Variants in NRXN3 observed in about 807,000 individuals in gnomAD.
NRXN3 encodes the protein neurexin III.
Under a neutral mutation model 137.6 loss-of-function variants are expected in NRXN3, and 32 were observed. That is an observed-to-expected ratio of 0.23 (90% confidence interval 0.18 to 0.31). NRXN3 has a LOEUF of 0.31. Among genes scored for constraint, NRXN3 ranks in the 10% least tolerant of loss-of-function variants. The probability of loss-of-function intolerance (pLI) is 1.00; values close to 1 mark genes in which losing one functional copy is unlikely to be tolerated. For missense variants in NRXN3, 1,574 were observed against 2,062.5 expected (o/e 0.76, Z 4.59); for synonymous variants, 798 against 784.5 (o/e 1.02, Z -0.29).
At chr14:78,548,636 A>G (rs2096658280) in intron 4 of NRXN3, among the ~76,000 whole-genome samples, 1 of 151,940 alleles carries the variant, frequency 6.6e-6, no homozygotes, top group South Asian at 2.1e-4. Flanking sequence ...CTCCCTTTTT[A>G]CCTGTTCTAC....
At chr14:78,270,950 A>G (rs569802337) in intron 2 of NRXN3, among the ~76,000 whole-genome samples, 4 of 152,336 alleles carry the variant, frequency 2.6e-5, no homozygotes, top group Admixed American at 6.5e-5. Context: ...GTGTAGGAAC[A>G]CTCAAAGTGC....
chr14:79,338,196 GGTGT>G (rs796540610), intron 15 of NRXN3, among the ~76,000 whole-genome samples: 2 of 141,058 alleles, frequency 1.4e-5, no homozygotes, highest in African/African-American at 5.5e-5. Flanking sequence ...AGGCAGCCGG[GGTGT>G]GTGTGTGTGT....
At chr14:79,689,922 GC>G (rs1261344084) in intron 17 of NRXN3, among the ~76,000 whole-genome samples, 1 of 152,102 alleles carries the variant, frequency 6.6e-6, no homozygotes, top group Non-Finnish European at 1.5e-5. Flanking sequence ...TTCTGATTTT[GC>G]CCTGCATTTT....
chr14:79,667,799 G>C (rs189827841), intron 17 of NRXN3, among the ~76,000 whole-genome samples: 13 of 151,628 alleles, frequency 8.6e-5, no homozygotes, highest in African/African-American at 3.2e-4. Context: ...GAACAAGGGA[G>C]GGGGGGTGAA....
chr14:78,646,104 G>C (rs2097685379), intron 5 of NRXN3, among the ~76,000 whole-genome samples: 2 of 151,992 alleles, frequency 1.3e-5, no homozygotes, highest in Non-Finnish European at 2.9e-5. Context: ...AAATAAAAAA[G>C]TCAACTTTGG....
intron 8 of NRXN3, among the ~76,000 whole-genome samples, chr14:78,803,257 T>A (rs959059327): frequency 2.0e-5 from 3 of 152,242 alleles, no homozygotes; most frequent in Non-Finnish European, 4.4e-5. Context: ...TTTTATGTAC[T>A]TGTGTTTTAT....
intron 16 of NRXN3, among the ~76,000 whole-genome samples, chr14:79,626,448 G>A (rs2098282490): frequency 7.2e-6 from 1 of 138,864 alleles, no homozygotes; most frequent in African/African-American, 2.8e-5. Context: ...CTCATTGTTT[G>A]TCATTATTTC....
At chr14:79,706,798 C>A (rs1038779983) in intron 19 of NRXN3, among the ~76,000 whole-genome samples, 1 of 152,112 alleles carries the variant, frequency 6.6e-6, no homozygotes, top group Non-Finnish European at 1.5e-5. Context: ...GTATGACACA[C>A]CGCCCCCCTT....
intron 15 of NRXN3, among the ~76,000 whole-genome samples, chr14:79,188,396 A>AT (rs368149497): frequency 0.6 from 89,078 of 147,258 alleles, 26,619 homozygotes; most frequent in East Asian, 0.74. Context: ...TACAATACAT[A>AT]TTTTTTTTTT....
chr14:78,504,731 C>T (rs1157443500), intron 4 of NRXN3, among the ~76,000 whole-genome samples: 3 of 152,076 alleles, frequency 2.0e-5, no homozygotes, highest in Admixed American at 2.0e-4. Context: ...GGCCAGTGAT[C>T]TGATATTTGC....
At chr14:78,874,258 C>T (rs2099108374) in intron 10 of NRXN3, among the ~76,000 whole-genome samples, 1 of 152,168 alleles carries the variant, frequency 6.6e-6, no homozygotes. Flanking sequence ...AGGCGTGAGC[C>T]ACTGTGCCTG....
chr14:79,306,353 A>G (rs982098242), intron 15 of NRXN3, among the ~76,000 whole-genome samples: 1 of 152,000 alleles, frequency 6.6e-6, no homozygotes, highest in African/African-American at 2.4e-5. Context: ...TGCCACTTTC[A>G]TGTCCCTTCC....
At chr14:79,222,289 A>G (rs1004845840) in intron 15 of NRXN3, among the ~76,000 whole-genome samples, 45 of 152,316 alleles carry the variant, frequency 3.0e-4, no homozygotes, top group African/African-American at 1.0e-3. Context: ...AATTCTGTGA[A>G]GAAATTCAAT....
Position 78,202,332 on chromosome 14 carries a change from A to G in NRXN3, c.-704+31658A>G, listed in dbSNP as rs1164635679. Among the ~76,000 whole-genome samples the G allele has an allele frequency of 2.0e-5, 3 of 152,260 alleles. No individual in the cohort carries two copies. The East Asian group carries it at 5.8e-4, about 29-fold the overall frequency. ...AAATGAAATTTAGATCAGCCTCTGCAAAAGGACTTTGTGGATTTCCTGTCG... is the reference window on the plus strand; with the variant it reads ...AAATGAAATTTAGATCAGCCTCTGCGAAAGGACTTTGTGGATTTCCTGTCG... On this transcript the variant is annotated intron_variant, in intron 1 of 20. Coordinates refer to ENST00000335750, the MANE Select transcript of NRXN3 (RefSeq NM_001330195.2).
intron 16 of NRXN3, among the ~76,000 whole-genome samples, chr14:79,625,565 C>T (rs779987714): frequency 9.2e-5 from 14 of 152,060 alleles, no homozygotes; most frequent in Non-Finnish European, 1.6e-4. Context: ...TTTATATTCC[C>T]ACTAACAGTG....
chr14:78,423,367 A>T (rs1161811334), intron 4 of NRXN3, among the ~76,000 whole-genome samples: 1 of 152,182 alleles, frequency 6.6e-6, no homozygotes, highest in Non-Finnish European at 1.5e-5. Context: ...CTATAAATTC[A>T]CTTCTAAGGG....
In NRXN3 at chr14:79,467,354, C is replaced by T. The variant is rs530617140; in HGVS notation, c.3396C>T (p.Val1132=). Residue 1132 remains valine (V), a synonymous_variant, in exon 16 of 21, where the codon GTC becomes GTT. Transcript: ENST00000335750. The part of the protein sequence containing the change: ...FSTTVKDGIL[V]RIDSAPGLGD... ...CCACTGTGAAGGATGGCATCTTGGT[C>T]CGCATCGACAGTGCTCCAGGACTTG... The T allele has an allele frequency of 6.2e-7, 1 of 1,612,574 alleles. No individual in the cohort carries two copies. The highest frequency in any genetic ancestry group is 1.1e-5 in the South Asian group (1 of 91,030).
chr14:78,635,110 T>G (rs1310719568), intron 4 of NRXN3, among the ~76,000 whole-genome samples: 1 of 152,170 alleles, frequency 6.6e-6, no homozygotes, highest in Non-Finnish European at 1.5e-5. Context: ...TCTAGATACT[T>G]AAAGGTGGGG....
At chr14:79,122,426 A>G (rs2152925934) in intron 15 of NRXN3, among the ~76,000 whole-genome samples, 1 of 152,352 alleles carries the variant, frequency 6.6e-6, no homozygotes, top group South Asian at 2.1e-4. Context: ...ATTTCCTCTC[A>G]GTGGAATGAT....
Sources: allele counts gnomAD v4.1 joint callset (sites outside exome capture counted in the v4.1 genomes callset), GRCh38; gene constraint gnomAD v4.1.1; transcripts MANE v1.5; gene names NCBI Gene and HGNC (gene_info 2026-07-23, HGNC 2026-07-21).